MATCAP2: variants seen among roughly 807,000 people sequenced by gnomAD.
The protein encoded by MATCAP2 is microtubule associated tyrosine carboxypeptidase 2.
At chr7:36,344,578 T>G in the MATCAP2 span, among the ~76,000 whole-genome samples, 1 of 152,226 alleles carries the variant, frequency 6.6e-6, no homozygotes, top group Non-Finnish European at 1.5e-5. Flanking sequence ...GCCTTCTACT[T>G]TGGAATCTCC....
At chr7:36,367,223 C>T in the MATCAP2 span, 1 of 1,145,384 alleles carries the variant, frequency 8.7e-7, no homozygotes, top group Non-Finnish European at 1.1e-6. Flanking sequence ...GTAGCCGCTC[C>T]GCCGGTTGCT....
At chr7:36,358,721 G>C in the MATCAP2 span, among the ~76,000 whole-genome samples, 12,417 of 152,204 alleles carry the variant, frequency 0.082, 676 homozygotes, top group East Asian at 0.16. Flanking sequence ...ACATGGCTCT[G>C]ATAAACAACT....
At chr7:36,352,238 A>G in the MATCAP2 span, among the ~76,000 whole-genome samples, 1 of 151,506 alleles carries the variant, frequency 6.6e-6, no homozygotes, top group African/African-American at 2.4e-5. Flanking sequence ...TCTACTAAAA[A>G]TACAAAAAAA....
the MATCAP2 span, among the ~76,000 whole-genome samples, chr7:36,379,847 C>CACACACACAGAGAGAGAGAGAG: frequency 1.9e-5 from 2 of 107,700 alleles, no homozygotes; most frequent in East Asian, 3.0e-4. Context: ...CACACACACA[C>CACACACACAGAGAGAGAGAGAG]AGAGAGAGAG....
At chr7:36,367,110 C>T in the MATCAP2 span, 1 of 1,236,372 alleles carries the variant, frequency 8.1e-7, no homozygotes, top group Non-Finnish European at 1.0e-6. Flanking sequence ...CGAAGACGTA[C>T]CGACACTGAC....
chr7:36,362,841 T>G, the MATCAP2 span, among the ~76,000 whole-genome samples: 3 of 152,254 alleles, frequency 2.0e-5, no homozygotes, highest in Non-Finnish European at 1.5e-5. Flanking sequence ...TCAGGAAGCC[T>G]TCCTTAACTT....
chr7:36,324,589 A>G, the MATCAP2 span: 2 of 152,132 alleles, frequency 1.3e-5, no homozygotes, highest in Non-Finnish European at 2.9e-5. Context: ...TATTTTAGGG[A>G]AAAAAACTGA....
At chr7:36,348,503 C>T in the MATCAP2 span, among the ~76,000 whole-genome samples, 6 of 152,218 alleles carry the variant, frequency 3.9e-5, no homozygotes, top group Non-Finnish European at 8.8e-5. Context: ...AACTTGACCC[C>T]TGGGTCACAA....
At chr7:36,351,963 AAT>A in the MATCAP2 span, among the ~76,000 whole-genome samples, 45 of 149,380 alleles carry the variant, frequency 3.0e-4, no homozygotes, top group Non-Finnish European at 5.7e-4. Flanking sequence ...AAAAAAAAAA[AAT>A]TTAAGATACA....
chr7:36,341,325 A>T, the MATCAP2 span, among the ~76,000 whole-genome samples: 1 of 152,196 alleles, frequency 6.6e-6, no homozygotes, highest in Admixed American at 6.5e-5. Context: ...AAAGAAAAAG[A>T]ATGGGTAAGA....
the MATCAP2 span, among the ~76,000 whole-genome samples, chr7:36,376,473 C>T: frequency 1.3e-5 from 2 of 152,204 alleles, no homozygotes; most frequent in South Asian, 2.1e-4. Flanking sequence ...TTGTGATTTC[C>T]GTTCTTTTAC....
At chr7:36,334,431 A>C in the MATCAP2 span, among the ~76,000 whole-genome samples, 5 of 147,108 alleles carry the variant, frequency 3.4e-5, no homozygotes, top group African/African-American at 1.3e-4. Flanking sequence ...GCTACTCAGG[A>C]GGCTGAGGTG....
the MATCAP2 span, chr7:36,334,168 A>T: frequency 6.4e-7 from 1 of 1,574,182 alleles, no homozygotes; most frequent in Non-Finnish European, 8.6e-7. Context: ...GTACCTATGG[A>T]GAAGAAAAGT....
chr7:36,349,068 C>T, the MATCAP2 span, among the ~76,000 whole-genome samples: 3 of 152,340 alleles, frequency 2.0e-5, no homozygotes, highest in Non-Finnish European at 4.4e-5. Context: ...CCGATATTTA[C>T]GTGGGATGCT....
chr7:36,336,347 A>G, the MATCAP2 span: 4 of 1,296,156 alleles, frequency 3.1e-6, no homozygotes, highest in Non-Finnish European at 4.2e-6. Context: ...TATTACTTTG[A>G]GATGTCATAA....
the MATCAP2 span, chr7:36,325,933 C>T: frequency 6.6e-6 from 1 of 151,658 alleles, no homozygotes; most frequent in African/African-American, 2.4e-5. Flanking sequence ...GTCTATTTGT[C>T]CTCTGCTTGT....
the MATCAP2 span, among the ~76,000 whole-genome samples, chr7:36,364,295 C>T: frequency 1.3e-5 from 2 of 151,928 alleles, no homozygotes; most frequent in Non-Finnish European, 2.9e-5. Flanking sequence ...GCCGTGTTGC[C>T]CAGGCTGGTC....
chr7:36,333,073 G>A, the MATCAP2 span, among the ~76,000 whole-genome samples: 1 of 152,168 alleles, frequency 6.6e-6, no homozygotes, highest in African/African-American at 2.4e-5. Context: ...GGTGGCAGTG[G>A]GCACAACTTC....
the MATCAP2 span, among the ~76,000 whole-genome samples, chr7:36,380,538 T>A: frequency 6.6e-6 from 1 of 152,092 alleles, no homozygotes; most frequent in African/African-American, 2.4e-5. Flanking sequence ...CCAAGGAGAA[T>A]GGTATTAAAA....
Sources: allele counts gnomAD v4.1 joint callset (sites outside exome capture counted in the v4.1 genomes callset), GRCh38; gene constraint gnomAD v4.1.1; transcripts MANE v1.5; gene names NCBI Gene and HGNC (gene_info 2026-07-23, HGNC 2026-07-21).